The following KNTC1 variants were observed in gnomAD, a reference collection of about 807,000 sequenced individuals.
The protein encoded by KNTC1 is kinetochore associated 1.
Under a neutral mutation model 314.4 loss-of-function variants are expected in KNTC1, and 253 were observed. That is an observed-to-expected ratio of 0.80 (90% CI 0.73 to 0.89). The LOEUF (loss-of-function observed/expected upper bound fraction) is 0.89, where lower values mean the gene tolerates loss of function less well. Among genes scored for constraint, KNTC1 ranks in the 40% least tolerant of loss-of-function variants. The pLI is 0.00. For synonymous variants in KNTC1, 901 were observed against 901.4 expected, an observed-to-expected ratio of 1.00 and a Z score of 0.01; for missense variants, 2,475 against 2,572.9, an observed-to-expected ratio of 0.96 and a Z score of 0.82.
chr12:122,543,791 C>A (rs1593499622), intron 7 of KNTC1, among the ~76,000 whole-genome samples, 157 bp downstream of exon 7: 1 of 151,916 alleles, frequency 6.6e-6, no homozygotes, highest in African/African-American at 2.4e-5. Flanking sequence ...ACATTTATGC[C>A]CGTAATCCCA....
At chr12:122,593,423 C>T in intron 42 of KNTC1, 1 of 151,814 alleles carries the variant, frequency 6.6e-6, no homozygotes, top group Non-Finnish European at 1.5e-5. Flanking sequence ...ACCACCACGC[C>T]CGGCTAATTT....
chr12:122,557,739 C>T, intron 18 of KNTC1, 50 bp downstream of exon 18: 1 of 1,270,982 alleles, frequency 7.9e-7, no homozygotes, highest in Non-Finnish European at 1.1e-6. Flanking sequence ...GGAGAATTTG[C>T]TTTAATCTCT....
At chr12:122,560,514 A>G (rs1963903846) in intron 18 of KNTC1, among the ~76,000 whole-genome samples, 1 of 152,162 alleles carries the variant, frequency 6.6e-6, no homozygotes, top group Non-Finnish European at 1.5e-5. Flanking sequence ...CTGGGATTAC[A>G]GACATGTGCC....
In KNTC1 at chr12:122,542,074, C is replaced by T. The variant is rs185354191; in HGVS notation, c.470C>T (p.Thr157Ile). Residue 157 changes from threonine (T) to isoleucine (I), a missense_variant, in exon 6 of 64, where the codon ACA becomes ATA. Physicochemically the swap from Thr to Ile is moderately conservative, Grantham distance 89. Coordinates refer to ENST00000333479, the MANE Select transcript of KNTC1 (RefSeq NM_014708.6). ...NEGTYYMLLL[T>I]YSGFFCITNL... ...GGTACCTATTATATGCTACTTCTTACATACAGTGGATTTTTTTGTATTACA... is the reference window on the plus strand; with the variant it reads ...GGTACCTATTATATGCTACTTCTTATATACAGTGGATTTTTTTGTATTACA... 725 of 1,547,226 alleles carry T rather than the reference C, an allele frequency of 4.7e-4. No individual in the cohort carries two copies. Among genetic ancestry groups the T allele is most frequent in the Admixed American group, 1.4e-3 (75 of 53,420 alleles).
At position 122,546,654 on chromosome 12, in the gene KNTC1, C is replaced by T. The variant is rs779611530; in HGVS notation, c.796C>T (p.Leu266Phe). 6 of 1,583,352 alleles carry T rather than the reference C, an allele frequency of 3.8e-6. No homozygotes were observed. The highest frequency in any genetic ancestry group is 1.8e-5 in the Admixed American group (1 of 57,116). The change falls in exon 10 of 64, where the codon CTT (leucine) becomes TTT (phenylalanine). Residue 266 changes from leucine to phenylalanine, a missense_variant. Leu to Phe is a conservative substitution (Grantham distance 22). Coordinates refer to ENST00000333479, the MANE Select transcript of KNTC1 (RefSeq NM_014708.6). ...GAAGTTCCAGCTGATAGACAATCTA[C>T]TTTTTGTTCTTGATACTGATGTATG... Reference protein sequence around the residue: ...AKKFQLIDNLLFVLDTDNVLS... With the variant: ...AKKFQLIDNLFFVLDTDNVLS...
chr12:122,605,207 A>C, intron 50 of KNTC1, 99 bp from the exon 51 acceptor site: 8 of 1,063,484 alleles, frequency 7.5e-6, no homozygotes, highest in South Asian at 3.0e-5. Flanking sequence ...GTATATACTT[A>C]TATGTGTATG....
rs770377591 is a variant in KNTC1, at chr12:122,551,498, C to T, written c.1171C>T (p.Leu391Phe). The change falls in exon 15 of 64, where the codon CTT becomes TTT. Residue 391 changes from leucine to phenylalanine, a missense_variant. Leu to Phe is a conservative substitution (Grantham distance 22). Coordinates refer to ENST00000333479, the MANE Select transcript of KNTC1 (RefSeq NM_014708.6). Reference protein sequence around the residue: ...DSVSVLVLRCLTEALPENRLS... With the variant: ...DSVSVLVLRCFTEALPENRLS... ...AGTCTCTGTGTTAGTACTCAGATGT[C>T]TTACGGAAGCTTTACCAGAAAACAG... 3.1e-6 allele frequency: 5 copies of T among 1,598,514 alleles called. No homozygotes were observed. Among genetic ancestry groups the T allele is most frequent in the Non-Finnish European group, 4.3e-6 (5 of 1,171,422 alleles).
intron 33 of KNTC1, among the ~76,000 whole-genome samples, chr12:122,581,516 A>G (rs1038499681): frequency 4.6e-5 from 6 of 129,624 alleles, no homozygotes; most frequent in Non-Finnish European, 9.9e-5. Context: ...TTTTTTTGAG[A>G]CAAAGTCTCA....
intron 4 of KNTC1, 125 bp from the exon 5 acceptor site, chr12:122,539,551 A>G: frequency 1.6e-6 from 1 of 631,058 alleles, no homozygotes. Context: ...TTTAAAAGTA[A>G]GATGTTTAGA....
rs778828775 is a variant in KNTC1 at position 122,543,623 on chromosome 12, A to T, written c.547A>T (p.Thr183Ser). The T allele has an allele frequency of 1.3e-6, 2 of 1,560,062 alleles. No homozygotes were observed. Among genetic ancestry groups the T allele is most frequent in the Non-Finnish European group, 1.7e-6 (2 of 1,149,726 alleles). The change falls in exon 7 of 64, where the codon ACA becomes TCA. Residue 183 changes from threonine (T) to serine (S), a missense_variant. By Grantham distance (58) the Thr-to-Ser change is moderately conservative (BLOSUM62 1). Transcript: ENST00000333479. ...QQAIENVDFS[T>S]AKKLQGQIKS... The stretch of plus-strand genomic sequence containing the variant: ...AGCAATTGAGAATGTAGACTTCAGT[A>T]CAGCAAAAAAGGTAAGAAAATAAAT...
chr12:122,580,456 T>C (rs1388969752), intron 32 of KNTC1, 147 bp from the exon 33 acceptor site: 4 of 514,702 alleles, frequency 7.8e-6, no homozygotes, highest in Admixed American at 4.0e-5. Flanking sequence ...AGATCTTTTG[T>C]ACTTAGTTAC....
At chr12:122,588,583 C>CTATA in intron 39 of KNTC1, 129 bp from the exon 40 acceptor site, 6 of 688,084 alleles carry the variant, frequency 8.7e-6, no homozygotes, top group Non-Finnish European at 1.3e-5. Flanking sequence ...CTTTCTAGCA[C>CTATA]TATAGGTTAA....
In KNTC1 at chr12:122,597,464, G is replaced by A. The variant is rs528596037; in HGVS notation, c.4356-267G>A. ...GGGTTTCACTATGTTGGCCAGGCTG[G>A]TCTCAAACTCCTGACCTCGTGATCT... On this transcript the variant is annotated intron_variant, in intron 43 of 63. Coordinates refer to ENST00000333479, the MANE Select transcript of KNTC1 (RefSeq NM_014708.6). The A allele has an allele frequency of 3.1e-4, 119 of 378,012 alleles. 1 individual carries two copies. In the East Asian group the frequency reaches 4.4e-3, roughly 14 times the overall value. 23.4% of individuals were successfully genotyped at this position (378,012 alleles called of 1,614,324 possible).
intron 59 of KNTC1, among the ~76,000 whole-genome samples, chr12:122,619,502 T>A (rs958977037): frequency 1.3e-5 from 2 of 152,010 alleles, no homozygotes; most frequent in African/African-American, 4.8e-5. Context: ...AAGCCCTGCT[T>A]CCCGGGTTCA....
rs752974228 is a variant in KNTC1 at position 122,547,481 on chromosome 12, G to C, written c.883G>C (p.Glu295Gln). Residue 295 changes from glutamate to glutamine, a missense_variant, in exon 11 of 64, where the codon GAA (glutamate) becomes CAA (glutamine). By Grantham distance (29) the Glu-to-Gln change is conservative (BLOSUM62 2). Coordinates refer to ENST00000333479, the MANE Select transcript of KNTC1 (RefSeq NM_014708.6). ...PVWNWPSLHVEEFLLTTEADS... is the reference protein window; with the variant it reads ...PVWNWPSLHVQEFLLTTEADS... ...ATGGAACTGGCCCTCTCTTCACGTA[G>C]AAGAGTTTCTTCTTACTACAGAAGC... The C allele has an allele frequency of 6.2e-7, 1 of 1,613,208 alleles. No individual in the cohort carries two copies. The highest frequency in any genetic ancestry group is 8.5e-7 in the Non-Finnish European group (1 of 1,179,358).
chr12:122,533,873 C>T (rs1485343199), intron 2 of KNTC1, among the ~76,000 whole-genome samples: 1 of 150,680 alleles, frequency 6.6e-6, no homozygotes, highest in Admixed American at 6.6e-5. Flanking sequence ...GCAGGGCTCT[C>T]TCATAAGCCC....
At chr12:122,585,576 A>G in intron 36 of KNTC1, 60 bp from the exon 37 acceptor site, 1 of 1,570,938 alleles carries the variant, frequency 6.4e-7, no homozygotes, top group Non-Finnish European at 8.7e-7. Flanking sequence ...ATAGACCAGA[A>G]GAAACAATGT....
chr12:122,602,804 C>T (rs371391174), intron 46 of KNTC1, 25 bp from the exon 47 acceptor site: 51 of 1,610,816 alleles, frequency 3.2e-5, no homozygotes, highest in African/African-American at 3.1e-4. Context: ...TTAAGCAAAT[C>T]GTACTTTCCT....
At chr12:122,574,194 C>T (rs1964878069) in intron 26 of KNTC1, 88 bp from the exon 27 acceptor site, 1 of 689,674 alleles carries the variant, frequency 1.4e-6, no homozygotes, top group Non-Finnish European at 2.5e-6. Context: ...CTATCAAGGC[C>T]ATATAATATC....
Sources: allele counts gnomAD v4.1 joint callset (sites outside exome capture counted in the v4.1 genomes callset), GRCh38; gene constraint gnomAD v4.1.1; transcripts MANE v1.5; gene names NCBI Gene and HGNC (gene_info 2026-07-23, HGNC 2026-07-21).